The following HTR1D variants were observed in gnomAD, a reference collection of about 807,000 sequenced individuals.
The protein encoded by HTR1D is 5-HT-1D.
HTR1D carries 18 observed loss-of-function variants against 21.1 expected under a neutral mutation model. The observed-to-expected ratio is 0.85, with a 90% CI of 0.59 to 1.27. The LOEUF (loss-of-function observed/expected upper bound fraction) is 1.27, where lower values mean the gene tolerates loss of function less well. Ranked by LOEUF, HTR1D falls within the 50% of genes most tolerant of loss-of-function variation. The pLI is 0.00. For synonymous variants in HTR1D, 196 were observed against 204.4 expected (o/e 0.96, Z 0.35); for missense variants, 456 against 481.4 (o/e 0.95, Z 0.49).
At position 23,194,112 on chromosome 1, in the gene HTR1D, C is replaced by T. The variant is rs1184721925; in HGVS notation, c.108G>A (p.Ala36=). 6 of 1,614,064 alleles carry T rather than the reference C, an allele frequency of 3.7e-6. No individual in the cohort carries two copies. The highest frequency in any genetic ancestry group is 3.3e-5 in the Admixed American group (2 of 60,006). Residue 36 remains alanine, a synonymous_variant, in exon 2 of 2, where the codon GCG becomes GCA. Transcript: ENST00000374619. ...GGACCACGGCAAGGGAGATCTTGAG[C>T]GCCTGGAGGGTCCTGGGATCCCAAG... ...SEAWDPRTLQ[A]LKISLAVVLS... is the part of the protein sequence containing the mutation.
At chr1:23,209,527 G>A (rs2148243394) in intron 1 of HTR1D, among the ~76,000 whole-genome samples, 1 of 152,204 alleles carries the variant, frequency 6.6e-6, no homozygotes, top group South Asian at 2.1e-4. Flanking sequence ...GCATGGGGAT[G>A]AGGAGGGGTC....
Position 23,205,947 on chromosome 1 carries a change from G to C in HTR1D, c.-782-10946C>G, listed in dbSNP as rs541558324. Among the ~76,000 whole-genome samples, 376 of 152,234 alleles carry C rather than the reference G, an allele frequency of 2.5e-3. 2 individuals are homozygous for C. The highest frequency in any genetic ancestry group is 8.7e-3 in the African/African-American group (362 of 41,526). On this transcript the variant is annotated intron_variant, in intron 1 of 1. Transcript: ENST00000374619. ...CTCCCACTGCCACTGTTCTGTTTCA[G>C]GAGAGTGAAACCATCCTTCTTGGCT... is the stretch of plus-strand genomic sequence containing the variant.
chr1:23,200,207 T>C lies in HTR1D; in HGVS notation c.-782-5206A>G, dbSNP rs556290807. Among the ~76,000 whole-genome samples, 19 of 152,240 alleles carry C rather than the reference T, an allele frequency of 1.2e-4. No homozygotes were observed. In the South Asian group the frequency reaches 3.9e-3, roughly 32 times the overall value. Reference sequence around the variant, plus strand: ...ACCCTTAGTTACTTCCTTGGTGAAATGGGAACAAAAGCCTGGCTCTGCTGT... The same window carrying C: ...ACCCTTAGTTACTTCCTTGGTGAAACGGGAACAAAAGCCTGGCTCTGCTGT... On this transcript the variant is annotated intron_variant, in intron 1 of 1. Coordinates refer to ENST00000374619, the MANE Select transcript of HTR1D (RefSeq NM_000864.5).
rs1187977561 is a variant in HTR1D at position 23,217,386 on chromosome 1, C to G, written c.-878G>C. On this transcript the variant is annotated 5_prime_UTR_variant, in exon 1 of 2. Coordinates refer to ENST00000374619, the MANE Select transcript of HTR1D (RefSeq NM_000864.5). The surrounding 1 kb of genome is among the most constrained non-coding windows in gnomAD (Gnocchi z 4.6). ...CGTCGCGGCCGCCTTGTCTCCGCCGCGACCCCCGCCGAACTCGGGGGCCGC... is the reference window on the plus strand; with the variant it reads ...CGTCGCGGCCGCCTTGTCTCCGCCGGGACCCCCGCCGAACTCGGGGGCCGC... 6.6e-6 allele frequency among the ~76,000 whole-genome samples: 1 copy of G among 151,752 alleles called. No homozygotes were observed. The highest frequency in any genetic ancestry group is 2.0e-4 in the East Asian group (1 of 5,124).
intron 1 of HTR1D, among the ~76,000 whole-genome samples, chr1:23,212,310 C>T (rs548124036): frequency 5.3e-5 from 8 of 152,300 alleles, no homozygotes; most frequent in African/African-American, 1.9e-4. Flanking sequence ...CCCCTGTCTC[C>T]TTGCTGGACT....
intron 1 of HTR1D, among the ~76,000 whole-genome samples, chr1:23,205,037 A>G (rs1011887011): frequency 1.1e-4 from 16 of 152,268 alleles, no homozygotes; most frequent in African/African-American, 3.9e-4. Flanking sequence ...ACTGTGATTT[A>G]TATGATGGAA....
Position 23,217,501 on chromosome 1 carries a change from C to T in HTR1D, c.-993G>A, listed in dbSNP as rs1245095582. Reference sequence around the variant, plus strand: ...CTCCCAGAGCCCTGCGGCTCCTTCTCCGCGCTCCCCTTCCCGCGCCCGCCG... The same window carrying T: ...CTCCCAGAGCCCTGCGGCTCCTTCTTCGCGCTCCCCTTCCCGCGCCCGCCG... On this transcript the variant is annotated 5_prime_UTR_variant, in exon 1 of 2. Transcript: ENST00000374619. The surrounding 1 kb of genome is among the most constrained non-coding windows in gnomAD (Gnocchi z 4.6). Among the ~76,000 whole-genome samples, 1 of 152,092 alleles carries T rather than the reference C, an allele frequency of 6.6e-6. No individual in the cohort carries two copies. Among genetic ancestry groups the T allele is most frequent in the Non-Finnish European group, 1.5e-5 (1 of 67,998 alleles).
chr1:23,199,702 C>T (rs974196250), intron 1 of HTR1D, among the ~76,000 whole-genome samples: 9 of 151,818 alleles, frequency 5.9e-5, no homozygotes, highest in Non-Finnish European at 1.2e-4. Flanking sequence ...ATTTTTCTTT[C>T]TTTCTTTCTT....
At chr1:23,195,523 C>T (rs970697490) in intron 1 of HTR1D, among the ~76,000 whole-genome samples, 1 of 152,098 alleles carries the variant, frequency 6.6e-6, no homozygotes, top group African/African-American at 2.4e-5. Context: ...ACTGCAACCT[C>T]TGCCTCCTGG....
rs186281548 is a variant in HTR1D, at chr1:23,201,056, C to G, written c.-782-6055G>C. Among the ~76,000 whole-genome samples the G allele has an allele frequency of 7.2e-3, 1,091 of 152,278 alleles. 3 individuals carry two copies. Among genetic ancestry groups the G allele is most frequent in the Non-Finnish European group, 0.011 (750 of 68,024 alleles). ...GACAGACAGACTTATGACCCAATCC[C>G]AGCCTGTTCCAGAGACCACTTTTGA... On this transcript the variant is annotated intron_variant, in intron 1 of 1. Transcript: ENST00000374619.
intron 1 of HTR1D, among the ~76,000 whole-genome samples, chr1:23,197,559 C>A (rs772218735): frequency 3.3e-5 from 5 of 151,054 alleles, no homozygotes; most frequent in Non-Finnish European, 7.4e-5. Flanking sequence ...GGTGAAACCC[C>A]ATCTCTACTA....
chr1:23,202,167 G>C (rs959553643), intron 1 of HTR1D, among the ~76,000 whole-genome samples: 1 of 151,988 alleles, frequency 6.6e-6, no homozygotes, highest in Non-Finnish European at 1.5e-5. Context: ...CCCAATCTCA[G>C]CTCACTGCAA....
chr1:23,198,439 A>T (rs1369362919), intron 1 of HTR1D, among the ~76,000 whole-genome samples: 1 of 152,070 alleles, frequency 6.6e-6, no homozygotes, highest in Non-Finnish European at 1.5e-5. Flanking sequence ...GAAACTTCAT[A>T]AGCAAACAAT....
chr1:23,194,893 G>T lies in HTR1D; in HGVS notation c.-674C>A, dbSNP rs1379870770. 6.6e-6 allele frequency among the ~76,000 whole-genome samples: 1 copy of T among 152,120 alleles called. No homozygotes were observed. Among genetic ancestry groups the T allele is most frequent in the East Asian group, 1.9e-4 (1 of 5,198 alleles). On this transcript the variant is annotated 5_prime_UTR_variant, in exon 2 of 2. Transcript: ENST00000374619. ...TATCCCACTGATCGTTTTAGAGCCT[G>T]AACAGACAAAACATCCTGGTTACCA...
rs1485426771 is a variant in HTR1D, at chr1:23,194,928, G to T, written c.-709C>A. ...AACATCCTGGTTACCAAGACTCGAAGAATGCATAAGCTGGGACCAGGCAAA... is the reference window on the plus strand; with the variant it reads ...AACATCCTGGTTACCAAGACTCGAATAATGCATAAGCTGGGACCAGGCAAA... On this transcript the variant is annotated 5_prime_UTR_variant, in exon 2 of 2. Transcript: ENST00000374619. 2.0e-5 allele frequency among the ~76,000 whole-genome samples: 3 copies of T among 152,258 alleles called. No homozygotes were observed. In the East Asian group the frequency reaches 5.8e-4, roughly 29 times the overall value.
At chr1:23,214,750 T>C (rs527806539) in intron 1 of HTR1D, among the ~76,000 whole-genome samples, 1 of 152,252 alleles carries the variant, frequency 6.6e-6, no homozygotes, top group African/African-American at 2.4e-5. Context: ...ACCTGCCCCA[T>C]GCCCTGCTAA....
At position 23,194,344 on chromosome 1, in the gene HTR1D, C is replaced by G; in HGVS notation, c.-125G>C. On this transcript the variant is annotated 5_prime_UTR_variant, in exon 2 of 2. Coordinates refer to ENST00000374619, the MANE Select transcript of HTR1D (RefSeq NM_000864.5). ...GTGGGAGCCGTACACCAGAACAGAC[C>G]ACAGTGAAAAGGTCTCAAGACCAGA... 6 of 803,966 alleles carry G rather than the reference C, an allele frequency of 7.5e-6. No individual in the cohort carries two copies. Among genetic ancestry groups the G allele is most frequent in the Non-Finnish European group, 1.2e-5 (6 of 491,922 alleles). The allele number at this position is 803,966 out of a possible 1,614,324, so 49.8% of individuals were successfully genotyped here. A position where few individuals can be genotyped will look rare whatever the true frequency, so the allele number is the denominator to read the frequency against.
chr1:23,204,692 G>T (rs570659224), intron 1 of HTR1D, among the ~76,000 whole-genome samples: 11 of 152,346 alleles, frequency 7.2e-5, no homozygotes, highest in African/African-American at 2.6e-4. Flanking sequence ...AGTGCCAAAT[G>T]TAGTCCTCTA....
At chr1:23,196,270 C>A (rs1193465562) in intron 1 of HTR1D, among the ~76,000 whole-genome samples, 1 of 151,972 alleles carries the variant, frequency 6.6e-6, no homozygotes, top group Non-Finnish European at 1.5e-5. Flanking sequence ...CATGGAGATA[C>A]CCCGTCTCTA....
Sources: allele counts gnomAD v4.1 joint callset (sites outside exome capture counted in the v4.1 genomes callset), GRCh38; gene constraint gnomAD v4.1.1; non-coding constraint Gnocchi (gnomAD v3.1); transcripts MANE v1.5; gene names NCBI Gene and HGNC (gene_info 2026-07-23, HGNC 2026-07-21).